KCNMB2: variants seen among roughly 807,000 people sequenced by gnomAD.
The protein encoded by KCNMB2 is calcium-activated potassium channel subunit beta-2.
Under a neutral mutation model 24.5 loss-of-function variants are expected in KCNMB2, and 9 were observed. That is an observed-to-expected ratio of 0.37 (90% CI 0.22 to 0.64). The LOEUF is 0.64. Among genes scored for constraint, KCNMB2 ranks in the 30% least tolerant of loss-of-function variants. The pLI is 0.63. For synonymous variants in KCNMB2, 109 were observed against 104.4 expected (o/e 1.04, Z -0.27); for missense variants, 226 against 284.3 (o/e 0.79, Z 1.47).
At chr3:178,575,937 C>G (rs750292462) in intron 1 of KCNMB2, among the ~76,000 whole-genome samples, 3 of 152,094 alleles carry the variant, frequency 2.0e-5, no homozygotes, top group Non-Finnish European at 2.9e-5. Context: ...CTGGATCTCA[C>G]AGAAATATGA....
intron 1 of KCNMB2, among the ~76,000 whole-genome samples, chr3:178,672,201 G>A (rs1023343326): frequency 6.6e-6 from 1 of 152,078 alleles, no homozygotes; most frequent in African/African-American, 2.4e-5. Context: ...CATTTTCTAC[G>A]TTCCAGGACT....
intron 1 of KCNMB2, among the ~76,000 whole-genome samples, chr3:178,574,895 C>T (rs1336062741): frequency 1.3e-5 from 2 of 152,050 alleles, no homozygotes; most frequent in Non-Finnish European, 2.9e-5. Flanking sequence ...TGCTGAAACC[C>T]CGTCTCTACT....
intron 1 of KCNMB2, among the ~76,000 whole-genome samples, chr3:178,627,503 T>C (rs1418278308): frequency 6.6e-6 from 1 of 152,236 alleles, no homozygotes; most frequent in African/African-American, 2.4e-5. Flanking sequence ...TATAAAAGCG[T>C]GTGAGAAATG....
intron 1 of KCNMB2, among the ~76,000 whole-genome samples, chr3:178,668,847 A>G (rs1720805527): frequency 1.3e-5 from 2 of 152,178 alleles, no homozygotes; most frequent in Admixed American, 1.3e-4. Context: ...TTTATCTATT[A>G]CTACTTTTAA....
At chr3:178,632,299 AACTAAG>A (rs1356435392) in intron 1 of KCNMB2, among the ~76,000 whole-genome samples, 1 of 152,224 alleles carries the variant, frequency 6.6e-6, no homozygotes, top group Non-Finnish European at 1.5e-5. Context: ...CCTGGGATCA[AACTAAG>A]ACCCATGGTG....
intron 1 of KCNMB2, among the ~76,000 whole-genome samples, chr3:178,677,520 C>A (rs778967802): frequency 2.6e-5 from 4 of 152,196 alleles, no homozygotes; most frequent in Non-Finnish European, 4.4e-5. Context: ...TATCCAGCCA[C>A]CTTCCCCTGC....
In KCNMB2 at chr3:178,633,718, A is replaced by G. The variant is rs114061842; in HGVS notation, c.-68+97007A>G. ...GAGACATTTTCCCCATTGCCTTGGCAATTAGCATTTGGCTCCTTGTTACTC... is the reference window on the plus strand; with the variant it reads ...GAGACATTTTCCCCATTGCCTTGGCGATTAGCATTTGGCTCCTTGTTACTC... On this transcript the variant is annotated intron_variant, in intron 1 of 4. Coordinates refer to ENST00000452583, the MANE Select transcript of KCNMB2 (RefSeq NM_181361.3). Among the ~76,000 whole-genome samples, 1,174 of 152,332 alleles carry G rather than the reference A, an allele frequency of 7.7e-3. 16 individuals carry two copies. The highest frequency in any genetic ancestry group is 0.027 in the African/African-American group (1,135 of 41,568).
At chr3:178,631,051 C>T (rs1201805187) in intron 1 of KCNMB2, among the ~76,000 whole-genome samples, 1 of 152,172 alleles carries the variant, frequency 6.6e-6, no homozygotes, top group African/African-American at 2.4e-5. Context: ...AACTATATAG[C>T]ATTTTTAATA....
At chr3:178,586,524 T>TTTTTTTTTTCTTTC (rs1560119673) in intron 1 of KCNMB2, among the ~76,000 whole-genome samples, 35 of 129,912 alleles carry the variant, frequency 2.7e-4, no homozygotes, top group African/African-American at 1.2e-3. Flanking sequence ...TTTTCTTTTC[T>TTTTTTTTTTCTTTC]TTTTTTTTTC....
At chr3:178,684,232 G>T (rs1210844248) in intron 1 of KCNMB2, among the ~76,000 whole-genome samples, 1 of 150,742 alleles carries the variant, frequency 6.6e-6, no homozygotes, top group Non-Finnish European at 1.5e-5. Flanking sequence ...TATGCTAAGT[G>T]AAATAAGCCA....
chr3:178,559,309 T>C (rs1716232028), intron 1 of KCNMB2, among the ~76,000 whole-genome samples: 1 of 152,166 alleles, frequency 6.6e-6, no homozygotes, highest in African/African-American at 2.4e-5. Flanking sequence ...TCTCATATTT[T>C]AAAACATTGC....
At chr3:178,758,044 A>ATATACGTACACACAAGAG (rs374002287) in intron 1 of KCNMB2, among the ~76,000 whole-genome samples, 2 of 7,170 alleles carry the variant, frequency 2.8e-4, no homozygotes, top group South Asian at 9.1e-3. Context: ...ATATATATCT[A>ATATACGTACACACAAGAG]GATATATATA....
At chr3:178,791,389 T>A (rs1713317281) in intron 1 of KCNMB2, among the ~76,000 whole-genome samples, 3 of 152,040 alleles carry the variant, frequency 2.0e-5, no homozygotes, top group African/African-American at 7.2e-5. Flanking sequence ...GCAGAATAAA[T>A]AATTAGTGAG....
chr3:178,656,861 G>A (rs1035315682), intron 1 of KCNMB2, among the ~76,000 whole-genome samples: 8 of 152,120 alleles, frequency 5.3e-5, no homozygotes, highest in African/African-American at 1.7e-4. Context: ...ATATTACCAC[G>A]ATTAAAACAT....
rs1717846996 is a variant in KCNMB2, at chr3:178,595,774, CTT to C, written c.-68+59065_-68+59066del. On this transcript the variant is annotated intron_variant, in intron 1 of 4. Transcript: ENST00000452583. ...ATAAATTACCCAGTCTCGGGTATGTCTTTATTAGCAGCATGAGAACGGACTAA... is the reference window on the plus strand; with the variant it reads ...ATAAATTACCCAGTCTCGGGTATGTCTATTAGCAGCATGAGAACGGACTAA... Among the ~76,000 whole-genome samples the C allele has an allele frequency of 2.6e-5, 4 of 152,098 alleles. No individual in the cohort carries two copies. The South Asian group carries it at 8.3e-4, about 31-fold the overall frequency.
intron 4 of KCNMB2, among the ~76,000 whole-genome samples, chr3:178,841,275 A>G (rs1715417900): frequency 6.6e-6 from 1 of 152,100 alleles, no homozygotes; most frequent in Non-Finnish European, 1.5e-5. Context: ...TCTCCATATC[A>G]CTATCATCAT....
intron 1 of KCNMB2, among the ~76,000 whole-genome samples, chr3:178,788,657 T>C (rs1395953666): frequency 1.3e-5 from 2 of 152,204 alleles, no homozygotes; most frequent in South Asian, 2.1e-4. Context: ...AATTACTAAA[T>C]AATGGAGCTG....
intron 1 of KCNMB2, among the ~76,000 whole-genome samples, chr3:178,737,018 C>T (rs1277063021): frequency 6.6e-6 from 1 of 152,156 alleles, no homozygotes; most frequent in Non-Finnish European, 1.5e-5. Context: ...GCCTGTAATC[C>T]CAACACTTTG....
intron 1 of KCNMB2, among the ~76,000 whole-genome samples, chr3:178,597,388 G>C (rs1202737953): frequency 6.6e-6 from 1 of 152,106 alleles, no homozygotes; most frequent in Non-Finnish European, 1.5e-5. Context: ...AGGAGAAAGT[G>C]ACCCATAGGA....
Sources: allele counts gnomAD v4.1 joint callset (sites outside exome capture counted in the v4.1 genomes callset), GRCh38; gene constraint gnomAD v4.1.1; transcripts MANE v1.5; gene names NCBI Gene and HGNC (gene_info 2026-07-23, HGNC 2026-07-21).